ATG4C: variants seen among roughly 807,000 people sequenced by gnomAD.
ATG4C encodes the protein autophagy related 4C cysteine peptidase.
Under a neutral mutation model 57.6 loss-of-function variants are expected in ATG4C, and 56 were observed. The ratio of observed to expected loss-of-function variants is 0.97; its 90% CI spans 0.78 to 1.21. The LOEUF (loss-of-function observed/expected upper bound fraction) is 1.21. Among genes scored for constraint, ATG4C ranks in the 50% most tolerant of loss-of-function variants. ATG4C has a pLI of 0.00. For synonymous variants in ATG4C, 157 were observed against 174.1 expected (o/e 0.90, Z 0.78); for missense variants, 595 against 529.8 (o/e 1.12, Z -1.21).
chr1:62,848,259 T>C (rs977340057), intron 10 of ATG4C, among the ~76,000 whole-genome samples: 1 of 152,212 alleles, frequency 6.6e-6, no homozygotes, highest in African/African-American at 2.4e-5. Flanking sequence ...CTCTATCTCT[T>C]AGTAATATTT....
At chr1:62,829,309 A>G in intron 7 of ATG4C, 133 bp downstream of exon 7, 1 of 1,039,948 alleles carries the variant, frequency 9.6e-7, no homozygotes, top group South Asian at 1.5e-5. Context: ...AAAGTTTGAC[A>G]TTAGAGATTT....
intron 1 of ATG4C, among the ~76,000 whole-genome samples, chr1:62,792,670 C>A (rs1041409283): frequency 3.3e-5 from 5 of 152,170 alleles, no homozygotes; most frequent in African/African-American, 1.2e-4. Flanking sequence ...CATCATCAGG[C>A]TTTTACATTT....
At chr1:62,836,345 A>G (rs1293421394) in intron 9 of ATG4C, among the ~76,000 whole-genome samples, 3 of 152,100 alleles carry the variant, frequency 2.0e-5, no homozygotes, top group African/African-American at 7.2e-5. Context: ...CATTTCTTAT[A>G]TAGTGGGACA....
Position 62,841,465 on chromosome 1 carries a change from GA to G in ATG4C, c.1132del (p.Met378TrpfsTer7), listed in dbSNP as rs1488744611. ...CCTTCTCCCAAAAAGATGTCTTTTC[GA>G]AAAATGGATCCCAGCTGTACAATAG... Reference protein sequence around the residue: ...HCPSPKKMSFRKMDPSCTIGF... With the variant: ...HCPSPKKMSFXKMDPSCTIGF... On this transcript the variant is annotated frameshift_variant, in exon 10 of 11. Coordinates refer to ENST00000317868, the MANE Select transcript of ATG4C (RefSeq NM_032852.4). LOFTEE classifies it high-confidence loss of function. The G allele has an allele frequency of 2.5e-6, 4 of 1,607,148 alleles. No individual in the cohort carries two copies. In the African/African-American group the frequency reaches 4.0e-5, roughly 16 times the overall value.
chr1:62,846,470 T>C (rs1258645317), intron 10 of ATG4C, among the ~76,000 whole-genome samples: 1 of 152,164 alleles, frequency 6.6e-6, no homozygotes, highest in Non-Finnish European at 1.5e-5. Flanking sequence ...TCCAAGATCG[T>C]ATCTTTAGCC....
chr1:62,852,750 A>AT (rs11330137), intron 10 of ATG4C, among the ~76,000 whole-genome samples: 20,693 of 144,554 alleles, frequency 0.14, 1,489 homozygotes, highest in Admixed American at 0.19. Flanking sequence ...GTTTTTACCT[A>AT]TTTTTTTTTT....
At chr1:62,811,769 A>C (rs1352426758) in intron 3 of ATG4C, among the ~76,000 whole-genome samples, 1 of 152,126 alleles carries the variant, frequency 6.6e-6, no homozygotes, top group Non-Finnish European at 1.5e-5. Context: ...CTGAAGTTCT[A>C]TCAGTTTTTG....
intron 3 of ATG4C, among the ~76,000 whole-genome samples, chr1:62,812,871 A>G (rs1235403606): frequency 1.3e-5 from 2 of 152,192 alleles, no homozygotes; most frequent in Non-Finnish European, 1.5e-5. Context: ...CCCATTCACA[A>G]TTGCCACGAA....
intron 6 of ATG4C, among the ~76,000 whole-genome samples, chr1:62,824,508 G>T (rs1462589509): frequency 1.3e-5 from 2 of 152,100 alleles, no homozygotes; most frequent in Non-Finnish European, 2.9e-5. Flanking sequence ...AGGAGTATGG[G>T]TGTAAAGTAT....
At chr1:62,822,804 CT>C (rs1477941244) in intron 6 of ATG4C, among the ~76,000 whole-genome samples, 1 of 150,968 alleles carries the variant, frequency 6.6e-6, no homozygotes, top group Non-Finnish European at 1.5e-5. Context: ...GTAATTGCAT[CT>C]ATTTTTATGG....
At chr1:62,805,304 A>G (rs776129641) in intron 3 of ATG4C, 49 bp downstream of exon 3, 12 of 1,454,602 alleles carry the variant, frequency 8.2e-6, no homozygotes, top group Non-Finnish European at 1.1e-5. Flanking sequence ...AGAAATCATC[A>G]TGTAACTTTT....
rs138309231 is a variant in ATG4C at position 62,851,863 on chromosome 1, C to T, written c.1209+10316C>T. Among the ~76,000 whole-genome samples, 21 of 152,216 alleles carry T rather than the reference C, an allele frequency of 1.4e-4. No homozygotes were observed. The East Asian group carries it at 3.1e-3, about 22-fold the overall frequency. ...GTTTATCTTACAATTGTTGGTGGAT[C>T]AGTGAGCAACAGCAGTCGTGGTGGT... is the stretch of plus-strand genomic sequence containing the variant. On this transcript the variant is annotated intron_variant, in intron 10 of 10. Transcript: ENST00000317868.
rs781542328 is a variant in ATG4C at position 62,829,091 on chromosome 1, A to G, written c.848A>G (p.Asn283Ser). The change falls in exon 7 of 11, where the codon AAT becomes AGT. Residue 283 changes from asparagine (N) to serine (S), a missense_variant. Asn to Ser is a conservative substitution (Grantham distance 46). Transcript: ENST00000317868. ...CAGAGTGCTTCCATGACTTCTGATA[A>G]TGCAGATGACAAAGCTGTTATTATT... ...DKQSASMTSD[N>S]ADDKAVIILV... 1 of 1,613,000 alleles carries G rather than the reference A, an allele frequency of 6.2e-7. No individual in the cohort carries two copies. Among genetic ancestry groups the G allele is most frequent in the African/African-American group, 1.3e-5 (1 of 74,900 alleles).
intron 1 of ATG4C, among the ~76,000 whole-genome samples, chr1:62,784,845 C>T (rs969346322): frequency 1.3e-5 from 2 of 152,172 alleles, no homozygotes; most frequent in Non-Finnish European, 2.9e-5. Flanking sequence ...ACCCTACCCA[C>T]ATCTAAGGGC....
chr1:62,792,718 A>G (rs1200512231), intron 1 of ATG4C, among the ~76,000 whole-genome samples: 2 of 152,180 alleles, frequency 1.3e-5, no homozygotes, highest in African/African-American at 2.4e-5. Flanking sequence ...TTCATTTAGT[A>G]CTGACCTCCC....
chr1:62,840,797 A>G (rs1208362329), intron 9 of ATG4C, among the ~76,000 whole-genome samples: 4 of 152,226 alleles, frequency 2.6e-5, no homozygotes, highest in Non-Finnish European at 5.9e-5. Context: ...AAAAGGACTG[A>G]TGAGAAAGAG....
At chr1:62,812,994 A>G (rs1665137586) in intron 3 of ATG4C, among the ~76,000 whole-genome samples, 1 of 152,224 alleles carries the variant, frequency 6.6e-6, no homozygotes, top group Non-Finnish European at 1.5e-5. Flanking sequence ...ATGGAAAAAC[A>G]TTCCATGCTC....
chr1:62,864,138 G>A lies in ATG4C; in HGVS notation c.1356G>A (p.Thr452=), dbSNP rs200899869. ...AGAAACAATTAAAAAGATTTAGCAC[G>A]GAAGAGTTTGTCTTGCTTTAAAGAT... ...DEKKQLKRFS[T]EEFVLL The change falls in exon 11 of 11, where the codon ACG becomes ACA. Residue 452 remains threonine, a synonymous_variant. Transcript: ENST00000317868. The A allele has an allele frequency of 2.0e-5, 32 of 1,601,546 alleles. No homozygotes were observed. In the African/African-American group the frequency reaches 2.7e-4, roughly 13 times the overall value.
At chr1:62,799,851 T>C (rs1348123169) in intron 1 of ATG4C, among the ~76,000 whole-genome samples, 1 of 151,742 alleles carries the variant, frequency 6.6e-6, no homozygotes, top group Non-Finnish European at 1.5e-5. Flanking sequence ...TATCAAATAC[T>C]GGGTCATATT....
Sources: allele counts gnomAD v4.1 joint callset (sites outside exome capture counted in the v4.1 genomes callset), GRCh38; gene constraint gnomAD v4.1.1; transcripts MANE v1.5; gene names NCBI Gene and HGNC (gene_info 2026-07-23, HGNC 2026-07-21).